MBD3: variants seen among roughly 807,000 people sequenced by gnomAD.
MBD3 encodes the protein methyl-CpG-binding domain protein 3.
MBD3 carries 13 observed loss-of-function variants against 31.2 expected under a neutral mutation model. The observed-to-expected ratio is 0.42, with a 90% CI of 0.27 to 0.66. The LOEUF (loss-of-function observed/expected upper bound fraction) is 0.66. MBD3 is among the 30% of genes least tolerant of loss of function. The pLI, the probability that MBD3 is intolerant of heterozygous loss-of-function variation, is 0.26. For synonymous variants in MBD3, 223 were observed against 187.4 expected, an observed-to-expected ratio of 1.19 and a Z score of -1.55; for missense variants, 440 against 426.5, an observed-to-expected ratio of 1.03 and a Z score of -0.28.
intron 5 of MBD3, among the ~76,000 whole-genome samples, chr19:1,579,606 G>A (rs148563419): frequency 2.0e-4 from 30 of 152,082 alleles, no homozygotes; most frequent in African/African-American, 6.7e-4. Context: ...TCTCTCCAGC[G>A]GCTCCTGCAG....
chr19:1,588,452 G>A (rs552570321), intron 1 of MBD3, among the ~76,000 whole-genome samples: 4 of 152,164 alleles, frequency 2.6e-5, no homozygotes, highest in Admixed American at 2.6e-4. Context: ...TTTGCCTCCG[G>A]TCACCCCAAA....
chr19:1,585,704 T>C lies in MBD3; in HGVS notation c.111-490A>G, dbSNP rs1048322965. Among the ~76,000 whole-genome samples, 1 of 152,066 alleles carries C rather than the reference T, an allele frequency of 6.6e-6. No homozygotes were observed. Among genetic ancestry groups the C allele is most frequent in the Non-Finnish European group, 1.5e-5 (1 of 68,010 alleles). On this transcript the variant is annotated intron_variant, in intron 1 of 6. Coordinates refer to ENST00000434436, the MANE Select transcript of MBD3 (RefSeq NM_001281453.2). This position sits in a 1 kb window ranked among gnomAD's most constrained non-coding sequence, Gnocchi z 4.1. ...GAACATTCCAGACATGGAATTTAGG[T>C]CACATTCTTGAGAAAAGACCCCACG...
rs1335332991 is a variant in MBD3 at position 1,585,073 on chromosome 19, G to T, written c.252C>A (p.Asp84Glu). Residue 84 changes from aspartate to glutamate, a missense_variant, in exon 2 of 7, where the codon GAC becomes GAA. Physicochemically the swap from Asp to Glu is conservative, Grantham distance 45. Around this residue, in one of 3 missense-constraint regions of MBD3, gnomAD observed 179 missense variants for 134.7 expected, o/e 1.33. Coordinates refer to ENST00000434436, the MANE Select transcript of MBD3 (RefSeq NM_001281453.2). This position sits in a 1 kb window ranked among gnomAD's most constrained non-coding sequence, Gnocchi z 4.1. ...CACTCACCTTGACCTGGTTGGAGGA[G>T]TCGTAGCGCACGCGCTGGCGGCTCT... ...MNKSRQRVRY[D>E]SSNQVKGKPD... 8.7e-6 allele frequency: 14 copies of T among 1,612,148 alleles called. No individual in the cohort carries two copies. Among genetic ancestry groups the T allele is most frequent in the Non-Finnish European group, 1.2e-5 (14 of 1,179,402 alleles).
chr19:1,581,492 C>T (rs774796665), intron 4 of MBD3: 28 of 604,202 alleles, frequency 4.6e-5, no homozygotes, highest in Non-Finnish European at 7.4e-5. Context: ...CCTGTAATCC[C>T]AGCATCTTGG....
In MBD3 at chr19:1,592,621, T is replaced by G; in HGVS notation, c.11A>C (p.Lys4Thr). MER[K>T]RWECPALPQG... is the part of the protein sequence containing the mutation. ...CGGGAGCGCCGGGCACTCCCACCTC[T>G]TCCGCTCCATTGCGCCCGGCTCCTC... is the stretch of plus-strand genomic sequence containing the variant. The change falls in exon 1 of 7, where the codon AAG (lysine) becomes ACG (threonine). Residue 4 changes from lysine (K) to threonine (T), a missense_variant. Physicochemically the swap from Lys to Thr is moderately conservative, Grantham distance 78. This residue lies in a region of MBD3 where 179 missense variants were observed against 134.7 expected (regional missense o/e 1.33). Transcript: ENST00000434436. 1.5e-6 allele frequency: 2 copies of G among 1,338,208 alleles called. No individual in the cohort carries two copies. Among genetic ancestry groups the G allele is most frequent in the Admixed American group, 2.3e-5 (1 of 44,124 alleles). 82.9% of individuals were successfully genotyped at this position (1,338,208 alleles called of 1,614,324 possible).
At position 1,577,046 on chromosome 19, in the gene MBD3, G is replaced by A. The variant is rs369307226; in HGVS notation, c.*1118C>T. 5 of 152,118 alleles carry A rather than the reference G, an allele frequency of 3.3e-5. No individual in the cohort carries two copies. The highest frequency in any genetic ancestry group is 1.9e-4 in the East Asian group (1 of 5,190). 9.4% of individuals were successfully genotyped at this position (152,118 alleles called of 1,614,324 possible). ...TGCCCATCAGTCCCCCTGGGGCAGC[G>A]ACCAGATCCTGGCTGGGGCAGCACC... is the stretch of plus-strand genomic sequence containing the variant. On this transcript the variant is annotated 3_prime_UTR_variant, in exon 7 of 7. Transcript: ENST00000434436.
At position 1,592,513 on chromosome 19, in the gene MBD3, C is replaced by T. The variant is rs748235682; in HGVS notation, c.110+9G>A. On this transcript the variant is annotated intron_variant, in intron 1 of 6. Coordinates refer to ENST00000434436, the MANE Select transcript of MBD3 (RefSeq NM_001281453.2). ...GTTGAGGCCCTGCGCGGCCGGCGCG[C>T]TCATTCACCTATAGTAAAAGACATC... is the stretch of plus-strand genomic sequence containing the variant. The T allele has an allele frequency of 1.4e-6, 2 of 1,388,776 alleles. No individual in the cohort carries two copies. Among genetic ancestry groups the T allele is most frequent in the Non-Finnish European group, 9.6e-7 (1 of 1,041,900 alleles). 86.0% of individuals were successfully genotyped at this position (1,388,776 alleles called of 1,614,324 possible).
intron 1 of MBD3, among the ~76,000 whole-genome samples, chr19:1,587,513 C>G (rs2060684899): frequency 6.6e-6 from 1 of 152,060 alleles, no homozygotes; most frequent in Admixed American, 6.6e-5. Context: ...CTCCTGGACT[C>G]AAGGGATTGT....
chr19:1,582,823 C>A, intron 3 of MBD3, 111 bp from the exon 4 acceptor site: 1 of 882,380 alleles, frequency 1.1e-6, no homozygotes, highest in Non-Finnish European at 1.8e-6. Context: ...ATGTGGGTCC[C>A]AATGGGGCAT....
At chr19:1,589,015 C>G (rs570405505) in intron 1 of MBD3, among the ~76,000 whole-genome samples, 25 of 152,146 alleles carry the variant, frequency 1.6e-4, no homozygotes, top group African/African-American at 5.5e-4. Context: ...TTGTATGGTA[C>G]ATAAAACTGT....
At position 1,579,565 on chromosome 19, in the gene MBD3, C is replaced by T. The variant is rs571056778; in HGVS notation, c.678-1027G>A. On this transcript the variant is annotated intron_variant, in intron 5 of 6. Coordinates refer to ENST00000434436, the MANE Select transcript of MBD3 (RefSeq NM_001281453.2). The stretch of plus-strand genomic sequence containing the variant: ...GACTTTGTTTCTCCCCAGTTGTGGC[C>T]GAGGCTCAGCCGCCCCCTGCCTCCG... Among the ~76,000 whole-genome samples, 218 of 152,132 alleles carry T rather than the reference C, an allele frequency of 1.4e-3. 1 individual carries two copies. Among genetic ancestry groups the T allele is most frequent in the African/African-American group, 5.1e-3 (210 of 41,512 alleles).
intron 1 of MBD3, among the ~76,000 whole-genome samples, chr19:1,589,344 CAAA>C (rs35111393): frequency 2.9e-4 from 19 of 65,652 alleles, no homozygotes; most frequent in African/African-American, 6.8e-4. Context: ...AACTCGGTCT[CAAA>C]AAAAAAAAAA....
Position 1,585,379 on chromosome 19 carries a change from C to T in MBD3, c.111-165G>A. ...AAACCCAGGCAGGCCCTGGCCCCAG[C>T]CCCAGACCCCAACCCTGGCGTGACC... On this transcript the variant is annotated intron_variant, in intron 1 of 6. Coordinates refer to ENST00000434436, the MANE Select transcript of MBD3 (RefSeq NM_001281453.2). This position sits in a 1 kb window ranked among gnomAD's most constrained non-coding sequence, Gnocchi z 4.1. 4.3e-6 allele frequency: 3 copies of T among 698,588 alleles called. No individual in the cohort carries two copies. Among genetic ancestry groups the T allele is most frequent in the South Asian group, 1.8e-5 (1 of 54,418 alleles). The allele number at this position is 698,588 out of a possible 1,614,324, so 43.3% of individuals were successfully genotyped here.
At chr19:1,582,164 A>T (rs937153580) in intron 4 of MBD3, among the ~76,000 whole-genome samples, 7 of 152,120 alleles carry the variant, frequency 4.6e-5, no homozygotes, top group African/African-American at 7.2e-5. Context: ...AGCCCCGCCA[A>T]GTGCTGGGAT....
rs536942678 is a variant in MBD3, at chr19:1,580,982, C to A, written c.677+110G>T. The A allele has an allele frequency of 5.7e-5, 79 of 1,377,458 alleles. 1 individual carries two copies. The South Asian group carries it at 9.6e-4, about 17-fold the overall frequency. The allele number at this position is 1,377,458 out of a possible 1,614,324, so 85.3% of individuals were successfully genotyped here. A position where few individuals can be genotyped will look rare whatever the true frequency, so the allele number is the denominator to read the frequency against. ...CCCTGGCTGTTTCTGTTTCAAAACC[C>A]CAGCAGCATCGTGGGGAGACGGGAA... On this transcript the variant is annotated intron_variant, in intron 5 of 6. Transcript: ENST00000434436.
intron 5 of MBD3, among the ~76,000 whole-genome samples, chr19:1,579,624 C>T (rs1200320925): frequency 6.6e-6 from 1 of 152,156 alleles, no homozygotes; most frequent in East Asian, 1.9e-4. Context: ...CAGACCTGAG[C>T]TGCTCCCTCT....
At chr19:1,581,511 G>A (rs1358988176) in intron 4 of MBD3, 3 of 578,818 alleles carry the variant, frequency 5.2e-6, no homozygotes, top group South Asian at 1.9e-5. Flanking sequence ...GGGAGGGCGA[G>A]GTGGGAGGAC....
chr19:1,591,806 G>A (rs944707420), intron 1 of MBD3, among the ~76,000 whole-genome samples: 9 of 152,116 alleles, frequency 5.9e-5, no homozygotes, highest in African/African-American at 2.2e-4. Context: ...CGACCTTTCA[G>A]AGCAGCGCCT....
intron 5 of MBD3, among the ~76,000 whole-genome samples, chr19:1,579,702 T>G (rs1210575010): frequency 1.3e-5 from 2 of 152,182 alleles, no homozygotes; most frequent in African/African-American, 2.4e-5. Flanking sequence ...CTGCTCGTCA[T>G]CTTTCCAGAC....
Sources: gnomAD v4.1 joint callset for allele counts (sites outside exome capture counted in the v4.1 genomes callset) on GRCh38, gnomAD v4.1.1 for gene constraint, gnomAD v4.1.1 regional missense constraint, Gnocchi (gnomAD v3.1) non-coding constraint, MANE v1.5 for transcripts, NCBI Gene and HGNC (gene_info 2026-07-23, HGNC 2026-07-21) for gene names.